The following CCDC186 variants were observed in gnomAD, a reference collection of about 807,000 sequenced individuals.
CCDC186 encodes coiled-coil domain containing 186.
In CCDC186, 49 loss-of-function variants were observed where a neutral mutation model predicts 113.7. The observed-to-expected ratio is 0.43, with a 90% CI of 0.34 to 0.55. The LOEUF (loss-of-function observed/expected upper bound fraction) is 0.55. Among genes scored for constraint, CCDC186 ranks in the 20% least tolerant of loss-of-function variants. The pLI, the probability that CCDC186 is intolerant of heterozygous loss-of-function variation, is 0.02. For missense variants in CCDC186, 890 were observed against 1,011.1 expected, an observed-to-expected ratio of 0.88 and a Z score of 1.62; for synonymous variants, 355 against 345.8, an observed-to-expected ratio of 1.03 and a Z score of -0.30.
rs1273215005 is a variant in CCDC186, at chr10:114,132,047, T to C, written c.1793A>G (p.Lys598Arg). ...GGATTCAGACTGAAGCTGTGCATTC[T>C]TACTAGTGAGCCTTTCTGTAAACAG... The part of the protein sequence containing the change: ...LLLFTERLTS[K>R]NAQLQSESNS... Residue 598 changes from lysine to arginine, a missense_variant, in exon 11 of 16, where the codon AAG becomes AGG. Lys to Arg is a conservative substitution (Grantham distance 26). Coordinates refer to ENST00000369287, the MANE Select transcript of CCDC186 (RefSeq NM_018017.4). The C allele has an allele frequency of 3.1e-6, 5 of 1,613,466 alleles. No individual in the cohort carries two copies. The Admixed American group carries it at 8.3e-5, about 27-fold the overall frequency.
In CCDC186 at chr10:114,132,172, T is replaced by G; in HGVS notation, c.1668A>C (p.Glu556Asp). ...LQEQLQRGKQ[E>D]IENLKEEVES... ...CCACTTCTTCTTTCAAATTTTCAAT[T>G]TCTTGCTTACCTCTAAAACACAAAA... is the stretch of plus-strand genomic sequence containing the variant. The change falls in exon 11 of 16, where the codon GAA (glutamate) becomes GAC (aspartate). Residue 556 changes from glutamate to aspartate, a missense_variant. Coordinates refer to ENST00000369287, the MANE Select transcript of CCDC186 (RefSeq NM_018017.4). 6.3e-7 allele frequency: 1 copy of G among 1,594,160 alleles called. No individual in the cohort carries two copies. Among genetic ancestry groups the G allele is most frequent in the Non-Finnish European group, 8.6e-7 (1 of 1,168,904 alleles).
chr10:114,144,329 T>C (rs2031566990), intron 6 of CCDC186, among the ~76,000 whole-genome samples, 168 bp downstream of exon 6: 1 of 152,068 alleles, frequency 6.6e-6, no homozygotes, highest in Non-Finnish European at 1.5e-5. Context: ...CAAACTAACT[T>C]GCAGGTCACT....
In CCDC186 at chr10:114,125,193, G is replaced by A. The variant is rs1026242656; in HGVS notation, c.2647C>T (p.Arg883Cys). The change falls in exon 16 of 16, where the codon CGT becomes TGT. Residue 883 changes from arginine to cysteine, a missense_variant. Physicochemically the swap from Arg to Cys is radical, Grantham distance 180. Transcript: ENST00000369287. ...AGTTCATGCTGGTGTTTAATAAGAC[G>A]TTCTATTTCTGTTCCAAGTGTTTGT... ...NLQTLGTEIERLIKHQHELEQ... is the reference protein window; with the variant it reads ...NLQTLGTEIECLIKHQHELEQ... The A allele has an allele frequency of 1.1e-5, 17 of 1,610,428 alleles. No homozygotes were observed. The South Asian group carries it at 1.2e-4, about 11-fold the overall frequency.
At chr10:114,147,548 G>T (rs945535107) in intron 4 of CCDC186, among the ~76,000 whole-genome samples, 28 of 152,082 alleles carry the variant, frequency 1.8e-4, no homozygotes, top group Admixed American at 1.1e-3. Flanking sequence ...TATTTTATTG[G>T]GCTTAAATTT....
intron 6 of CCDC186, among the ~76,000 whole-genome samples, chr10:114,141,143 C>T (rs1218131133): frequency 1.3e-5 from 2 of 151,918 alleles, no homozygotes; most frequent in African/African-American, 2.4e-5. Context: ...AATCCTCCCA[C>T]CTCAGCCTCC....
chr10:114,144,464 CT>C, intron 6 of CCDC186, 32 bp downstream of exon 6: 2 of 1,572,948 alleles, frequency 1.3e-6, no homozygotes, highest in African/African-American at 2.8e-5. Context: ...AAAACTCATT[CT>C]AATCATTATT....
chr10:114,157,277 C>T (rs1158891691), intron 3 of CCDC186, among the ~76,000 whole-genome samples: 1 of 151,014 alleles, frequency 6.6e-6, no homozygotes, highest in Non-Finnish European at 1.5e-5. Context: ...TCAATCTCCC[C>T]GGCTCCAGTG....
intron 1 of CCDC186, among the ~76,000 whole-genome samples, chr10:114,166,187 G>C (rs190526405): frequency 7.9e-4 from 121 of 152,248 alleles, no homozygotes; most frequent in Non-Finnish European, 1.2e-3. Flanking sequence ...AGATTCCTCA[G>C]TAAACCAGTT....
In CCDC186 at chr10:114,149,838, AAGGCAGGC is replaced by A. The variant is rs1170943023; in HGVS notation, c.888+1246_888+1253del. Among the ~76,000 whole-genome samples the A allele has an allele frequency of 4.6e-5, 5 of 107,770 alleles. No individual in the cohort carries two copies. The East Asian group carries it at 6.8e-4, about 15-fold the overall frequency. The allele number at this position is 107,770 out of a possible 152,430, so 70.7% of individuals were successfully genotyped here. A position where few individuals can be genotyped will look rare whatever the true frequency, so the allele number is the denominator to read the frequency against. The stretch of plus-strand genomic sequence containing the variant: ...GAAGGCAGGAAGGCAGGAAGGCAGG[AAGGCAGGC>A]AGGCAGGCAGGAAGGCAGGCAGGCA... On this transcript the variant is annotated intron_variant, in intron 4 of 15. Transcript: ENST00000369287.
At chr10:114,138,038 A>G (rs2031326074) in intron 6 of CCDC186, among the ~76,000 whole-genome samples, 1 of 11,424 alleles carries the variant, frequency 8.8e-5, no homozygotes, top group Non-Finnish European at 3.8e-4. Flanking sequence ...ACTCGGTCTC[A>G]AAAAAAAAAA....
intron 1 of CCDC186, among the ~76,000 whole-genome samples, chr10:114,167,536 G>C (rs756282490): frequency 1.1e-4 from 17 of 152,100 alleles, no homozygotes; most frequent in Non-Finnish European, 2.1e-4. Context: ...TTTGGTTGCT[G>C]TCCAAGCTTT....
At position 114,123,029 on chromosome 10, in the gene CCDC186, T is replaced by G. The variant is rs1269722317; in HGVS notation, c.*2114A>C. 1 of 152,464 alleles carries G rather than the reference T, an allele frequency of 6.6e-6. No individual in the cohort carries two copies. The highest frequency in any genetic ancestry group is 1.5e-5 in the Non-Finnish European group (1 of 68,012). 9.4% of individuals were successfully genotyped at this position (152,464 alleles called of 1,614,324 possible). On this transcript the variant is annotated 3_prime_UTR_variant, in exon 16 of 16. Coordinates refer to ENST00000369287, the MANE Select transcript of CCDC186 (RefSeq NM_018017.4). The stretch of plus-strand genomic sequence containing the variant: ...TAGGATACTATGGATCAGATCACTA[T>G]TTGGTCTCCATTATACATTTTGTGC...
chr10:114,163,062 A>G lies in CCDC186; in HGVS notation c.207T>C (p.Tyr69=). The G allele has an allele frequency of 1.2e-6, 2 of 1,614,138 alleles. No homozygotes were observed. Among genetic ancestry groups the G allele is most frequent in the Non-Finnish European group, 1.7e-6 (2 of 1,179,990 alleles). ...CCTCACCTCCACCATGATCTGGAAT[A>G]TAATTTTCCTGGGCTTCAATTCGAT... ...HNNRIEAQEN[Y]IPDHGGGEDS... Residue 69 remains tyrosine, a synonymous_variant, in exon 2 of 16, where the codon TAT becomes TAC. Transcript: ENST00000369287.
intron 1 of CCDC186, among the ~76,000 whole-genome samples, chr10:114,165,403 T>C (rs758835213): frequency 6.6e-6 from 1 of 152,230 alleles, no homozygotes; most frequent in Admixed American, 6.5e-5. Context: ...CTTTAAGATA[T>C]AACTTGTGGG....
intron 3 of CCDC186, among the ~76,000 whole-genome samples, chr10:114,153,689 G>C (rs2031920821): frequency 6.6e-6 from 1 of 151,714 alleles, no homozygotes; most frequent in Non-Finnish European, 1.5e-5. Context: ...GGGAGGCTGA[G>C]GCAGGAGAAT....
At chr10:114,158,708 A>G (rs1181703674) in intron 2 of CCDC186, among the ~76,000 whole-genome samples, 1 of 152,196 alleles carries the variant, frequency 6.6e-6, no homozygotes, top group Admixed American at 6.5e-5. Context: ...TCTAAAAATA[A>G]AATAAAAATA....
intron 6 of CCDC186, among the ~76,000 whole-genome samples, chr10:114,138,184 G>A (rs1162613237): frequency 2.7e-5 from 4 of 147,510 alleles, no homozygotes; most frequent in East Asian, 2.0e-4. Context: ...CAGTTGCAGT[G>A]AGCCGAGACT....
At chr10:114,133,082 G>A (rs1194307213) in intron 10 of CCDC186, among the ~76,000 whole-genome samples, 2 of 152,112 alleles carry the variant, frequency 1.3e-5, no homozygotes, top group African/African-American at 4.8e-5. Flanking sequence ...CTTTTAAAAA[G>A]GATTATACTA....
chr10:114,143,388 A>T (rs998635015), intron 6 of CCDC186, among the ~76,000 whole-genome samples: 4 of 152,228 alleles, frequency 2.6e-5, no homozygotes, highest in Non-Finnish European at 5.9e-5. Context: ...GAAGCAACTC[A>T]GGTAGTTGAG....
Sources: gnomAD v4.1 joint callset for allele counts (sites outside exome capture counted in the v4.1 genomes callset) on GRCh38, gnomAD v4.1.1 for gene constraint, MANE v1.5 for transcripts, NCBI Gene and HGNC (gene_info 2026-07-23, HGNC 2026-07-21) for gene names.